MYO15B: variants seen among roughly 807,000 people sequenced by gnomAD.
MYO15B encodes the protein myosin XVB pseudogene.
A neutral mutation model predicts 119.3 loss-of-function variants in MYO15B; 207 were observed. The observed-to-expected ratio is 1.73, with a 90% confidence interval of 1.55 to 1.95. The LOEUF (loss-of-function observed/expected upper bound fraction) is 1.95. Ranked by LOEUF, MYO15B falls within the 30% of genes most tolerant of loss-of-function variation. The probability of loss-of-function intolerance (pLI) is 0.00; values close to 1 mark genes in which losing one functional copy is unlikely to be tolerated. For missense variants in MYO15B, 2,264 were observed against 1,203.1 expected, an observed-to-expected ratio of 1.88 and a Z score of -13.04; for synonymous variants, 966 against 498.9, an observed-to-expected ratio of 1.94 and a Z score of -12.48.
chr17:75,615,480 C>A, intron 34 of MYO15B, 23 bp from the exon 35 acceptor site: 1 of 680,648 alleles, frequency 1.5e-6, no homozygotes, highest in Non-Finnish European at 2.7e-6. Context: ...GCCCACCACT[C>A]TGGCCGCCTG....
rs947714871 is a variant in MYO15B, at chr17:75,620,717, G to A, written c.7725+81G>A. The A allele has an allele frequency of 1.6e-5, 11 of 691,738 alleles. No homozygotes were observed. In the African/African-American group the frequency reaches 1.9e-4, roughly 12 times the overall value. 42.9% of individuals were successfully genotyped at this position (691,738 alleles called of 1,614,324 possible). A position where few individuals can be genotyped will look rare whatever the true frequency, so the allele number is the denominator to read the frequency against. ...GGAAAGGGGTTTGACCACTCCCGAGGCTGCCATGCGGTGGGACCACCCTGC... is the reference window on the plus strand; with the variant it reads ...GGAAAGGGGTTTGACCACTCCCGAGACTGCCATGCGGTGGGACCACCCTGC... On this transcript the variant is annotated intron_variant, in intron 49 of 63. Transcript: ENST00000645453.
exon 57 of MYO15B, chr17:75,624,403 C>T: frequency 2.8e-6 from 2 of 702,552 alleles, no homozygotes; most frequent in Non-Finnish European, 5.2e-6. Context: ...TCTTATTCAC[C>T]TGCCGGGGGG....
intron 28 of MYO15B, 76 bp downstream of exon 28, chr17:75,613,547 C>G: frequency 1.5e-6 from 1 of 646,122 alleles, no homozygotes; most frequent in Non-Finnish European, 2.8e-6. Flanking sequence ...CCCTGGAACC[C>G]CTTCCTGCCC....
intron 12 of MYO15B, among the ~76,000 whole-genome samples, chr17:75,595,432 T>G: frequency 6.6e-6 from 1 of 152,204 alleles, no homozygotes; most frequent in East Asian, 1.9e-4. Flanking sequence ...AGTTGCTTAG[T>G]GCAGCAGACA....
intron 19 of MYO15B, among the ~76,000 whole-genome samples, chr17:75,604,638 C>A (rs371364844): frequency 6.6e-6 from 1 of 150,504 alleles, no homozygotes; most frequent in Non-Finnish European, 1.5e-5. Context: ...CTGTTGCTCC[C>A]GTGGCCCAGA....
Position 75,619,979 on chromosome 17 carries a change from A to C in MYO15B, c.7402A>C (p.Ile2468Leu), listed in dbSNP as rs11868942. Residue 2468 changes from isoleucine to leucine, a missense_variant, in exon 47 of 64, where the codon ATC becomes CTC. Ile to Leu is a conservative substitution (Grantham distance 5). Coordinates refer to ENST00000645453, the Ensembl canonical transcript of MYO15B. ...GCTGCACACAGCCCGGGCAAGGGCC[A>C]TCGAGGCGCTGGTTGAGCTATTCCT... is the stretch of plus-strand genomic sequence containing the variant. 7.4e-3 allele frequency: 5,221 copies of C among 702,786 alleles called. 127 individuals carry two copies. The highest frequency in any genetic ancestry group is 0.06 in the African/African-American group (3,423 of 57,386). 43.5% of individuals were successfully genotyped at this position (702,786 alleles called of 1,614,324 possible).
chr17:75,621,940 C>A (rs1486923489), intron 52 of MYO15B, 64 bp from the exon 53 acceptor site: 3 of 694,004 alleles, frequency 4.3e-6, no homozygotes, highest in Non-Finnish European at 7.9e-6. Flanking sequence ...ACAGCAACAG[C>A]ATGAGCCGGG....
chr17:75,625,781 AAGCAGAGCAGGTTCCAGGGCCCC>A (rs775225821), intron 61 of MYO15B, 40 bp from the exon 62 acceptor site: 40 of 701,154 alleles, frequency 5.7e-5, no homozygotes, highest in Non-Finnish European at 9.4e-5. Context: ...CTGGGGGACC[AAGCAGAGCAGGTTCCAGGGCCCC>A]AGCAGTCAGA....
intron 4 of MYO15B, 146 bp from the exon 5 acceptor site, chr17:75,591,455 T>C: frequency 1.6e-6 from 1 of 633,978 alleles, no homozygotes; most frequent in Non-Finnish European, 2.8e-6. Context: ...GTCGGGTCTC[T>C]CCATGCCCTG....
chr17:75,626,418 G>A, exon 64 of MYO15B: 1 of 703,230 alleles, frequency 1.4e-6, no homozygotes, highest in East Asian at 2.7e-5. Flanking sequence ...CCCAGGAGCT[G>A]CTATACACCA....
intron 36 of MYO15B, 28 bp downstream of exon 36, chr17:75,615,912 G>C: frequency 1.6e-6 from 1 of 640,680 alleles, no homozygotes; most frequent in Non-Finnish European, 2.8e-6. Context: ...TTCTCAGGAA[G>C]GGATGTGAGG....
chr17:75,605,255 G>GT (rs1179328856), intron 19 of MYO15B, among the ~76,000 whole-genome samples: 1 of 151,984 alleles, frequency 6.6e-6, no homozygotes, highest in African/African-American at 2.4e-5. Context: ...GGCTAACACG[G>GT]TGAAACCCTG....
chr17:75,617,788 C>A (rs1437598596), intron 41 of MYO15B, 22 bp from the exon 42 acceptor site: 1 of 695,306 alleles, frequency 1.4e-6, no homozygotes. Context: ...ACTGAGGCTC[C>A]TCACCCCCTC....
chr17:75,592,576 T>C (rs898917887), intron 8 of MYO15B, 35 bp downstream of exon 8: 4 of 617,752 alleles, frequency 6.5e-6, no homozygotes, highest in African/African-American at 3.6e-5. Flanking sequence ...CGGGGAGGCC[T>C]GCCCAGAGGA....
At chr17:75,591,048 C>T (rs956136693) in intron 3 of MYO15B, 32 bp downstream of exon 3, 1 of 660,188 alleles carries the variant, frequency 1.5e-6, no homozygotes, top group Admixed American at 2.1e-5. Context: ...ACCCTCTGCT[C>T]ACCTCCCAGG....
chr17:75,618,277 G>A (rs1093992), intron 43 of MYO15B, 92 bp downstream of exon 43: 197,686 of 683,704 alleles, frequency 0.29, 30,113 homozygotes, highest in Middle Eastern at 0.37. Flanking sequence ...TTAACACCAC[G>A]TAGGGCATGT....
chr17:75,607,137 A>G (rs1435792033), intron 21 of MYO15B: 2 of 391,814 alleles, frequency 5.1e-6, no homozygotes, highest in Non-Finnish European at 9.0e-6. Flanking sequence ...AGTGCAGAAC[A>G]TCGGGGGAGC....
intron 15 of MYO15B, 114 bp downstream of exon 15, chr17:75,601,677 G>A: frequency 1.6e-6 from 1 of 638,828 alleles, no homozygotes; most frequent in South Asian, 1.8e-5. Context: ...TGCAAGGCTT[G>A]GACACCTGTC....
intron 43 of MYO15B, among the ~76,000 whole-genome samples, chr17:75,618,855 T>C (rs1479145517): frequency 6.6e-6 from 1 of 152,196 alleles, no homozygotes; most frequent in Non-Finnish European, 1.5e-5. Flanking sequence ...CCGAACAATC[T>C]TGTATCTGGG....
Sources: allele counts gnomAD v4.1 joint callset (sites outside exome capture counted in the v4.1 genomes callset), GRCh38; gene constraint gnomAD v4.1.1; transcripts MANE v1.5; gene names NCBI Gene and HGNC (gene_info 2026-07-23, HGNC 2026-07-21).